Variants in AK4 observed in about 807,000 individuals in gnomAD.
The protein encoded by AK4 is adenylate kinase 4.
AK4 carries 13 observed loss-of-function variants against 24.6 expected under a neutral mutation model. The ratio of observed to expected loss-of-function variants is 0.53; its 90% CI spans 0.34 to 0.84. The LOEUF (loss-of-function observed/expected upper bound fraction) is 0.84. AK4 is among the 40% of genes least tolerant of loss of function. The probability of loss-of-function intolerance (pLI) is 0.01; values close to 1 mark genes in which losing one functional copy is unlikely to be tolerated. For missense variants in AK4, 192 were observed against 288.2 expected, an observed-to-expected ratio of 0.67 and a Z score of 2.42; for synonymous variants, 88 against 107.0, an observed-to-expected ratio of 0.82 and a Z score of 1.10.
At chr1:65,154,960 C>T (rs1025551180) in intron 1 of AK4, among the ~76,000 whole-genome samples, 1 of 151,740 alleles carries the variant, frequency 6.6e-6, no homozygotes, top group South Asian at 2.1e-4. Context: ...AAGCAATTCT[C>T]CTGACTCAGC....
At chr1:65,152,352 CTCTCTCTCTA>C (rs61626792) in intron 1 of AK4, among the ~76,000 whole-genome samples, 647 of 42,776 alleles carry the variant, frequency 0.015, no homozygotes, top group East Asian at 0.031. Context: ...CTCTCTCTCT[CTCTCTCTCTA>C]TATATATATA....
chr1:65,159,841 G>A (rs1235609175), intron 1 of AK4, among the ~76,000 whole-genome samples: 2 of 151,796 alleles, frequency 1.3e-5, no homozygotes, highest in Non-Finnish European at 2.9e-5. Context: ...GGTGGTGTGC[G>A]CCTGTAGTCC....
At chr1:65,172,063 GTATATATATATA>G (rs3051712) in intron 1 of AK4, among the ~76,000 whole-genome samples, 9,339 of 65,692 alleles carry the variant, frequency 0.14, 1,283 homozygotes, top group African/African-American at 0.27. Flanking sequence ...TCCATCTCAA[GTATATATATATA>G]TATATATATA....
At chr1:65,220,315 C>T (rs12747074) in intron 3 of AK4, among the ~76,000 whole-genome samples, 42,281 of 152,004 alleles carry the variant, frequency 0.28, 6,744 homozygotes, top group East Asian at 0.69. Flanking sequence ...AATTGTCTTC[C>T]AAACTGGTTA....
At chr1:65,190,192 A>G (rs1570108189) in intron 1 of AK4, among the ~76,000 whole-genome samples, 1 of 141,376 alleles carries the variant, frequency 7.1e-6, no homozygotes, top group Admixed American at 6.9e-5. Flanking sequence ...TTTATTTTCT[A>G]CTCTTATTTT....
chr1:65,148,674 C>A (rs942914569), intron 1 of AK4, 122 bp downstream of exon 1: 1 of 1,329,972 alleles, frequency 7.5e-7, no homozygotes, highest in African/African-American at 1.6e-5. Context: ...CGTGCAGGCT[C>A]GTACGTGCCG....
At chr1:65,194,809 C>T (rs1346474427) in intron 2 of AK4, among the ~76,000 whole-genome samples, 2 of 152,200 alleles carry the variant, frequency 1.3e-5, no homozygotes, top group Admixed American at 1.3e-4. Context: ...TACAGCTCCC[C>T]TCTTCTTCTG....
At position 65,224,767 on chromosome 1, in the gene AK4, A is replaced by C; in HGVS notation, c.454A>C (p.Thr152Pro). The C allele has an allele frequency of 6.2e-7, 1 of 1,612,828 alleles. No individual in the cohort carries two copies. Reference protein sequence around the residue: ...PPHVHGIDDVTGEPLVQQEDD... With the variant: ...PPHVHGIDDVPGEPLVQQEDD... ...GTATTTGTAGGGTATTGATGACGTC[A>C]CTGGTGAACCGTTAGTCCAGCAGGA... Residue 152 changes from threonine (T) to proline (P), a missense_variant, in exon 4 of 5, where the codon ACT (threonine) becomes CCT (proline). Thr to Pro is a conservative substitution (Grantham distance 38). Coordinates refer to ENST00000327299, the MANE Select transcript of AK4 (RefSeq NM_013410.4).
At position 65,150,284 on chromosome 1, in the gene AK4, TC is replaced by T. The variant is rs1224133211; in HGVS notation, c.145+1733del. 7.2e-3 allele frequency among the ~76,000 whole-genome samples: 841 copies of T among 116,944 alleles called. 13 individuals are homozygous for T. Among genetic ancestry groups the T allele is most frequent in the African/African-American group, 0.044 (786 of 17,856 alleles). 76.7% of individuals were successfully genotyped at this position (116,944 alleles called of 152,430 possible). A position where few individuals can be genotyped will look rare whatever the true frequency, so the allele number is the denominator to read the frequency against. On this transcript the variant is annotated intron_variant, in intron 1 of 4. Transcript: ENST00000327299. ...CTTGTTCTCTCTTTCTCTCTCTCTCTCTTTTTTTTTTTTAACTTTCCTGTGT... is the reference window on the plus strand; with the variant it reads ...CTTGTTCTCTCTTTCTCTCTCTCTCTTTTTTTTTTTTTAACTTTCCTGTGT...
At chr1:65,225,980 C>A in intron 4 of AK4, 83 bp from the exon 5 acceptor site, 1 of 1,432,778 alleles carries the variant, frequency 7.0e-7, no homozygotes. Context: ...TGAGATCATG[C>A]TTGTTTTATA....
At chr1:65,184,565 A>G (rs1386616815) in intron 1 of AK4, among the ~76,000 whole-genome samples, 4 of 152,224 alleles carry the variant, frequency 2.6e-5, no homozygotes, top group African/African-American at 9.6e-5. Context: ...CACACTCAGG[A>G]TTCAGAAGCT....
At chr1:65,199,506 G>C (rs954744372) in intron 2 of AK4, among the ~76,000 whole-genome samples, 1 of 152,006 alleles carries the variant, frequency 6.6e-6, no homozygotes, top group Non-Finnish European at 1.5e-5. Context: ...CCGAGATCGT[G>C]CTACTGTACT....
chr1:65,150,686 T>A (rs1649742369), intron 1 of AK4, among the ~76,000 whole-genome samples: 1 of 152,202 alleles, frequency 6.6e-6, no homozygotes, highest in Non-Finnish European at 1.5e-5. Context: ...ACAACCACCC[T>A]TCTGTATGTA....
chr1:65,203,262 T>C (rs1250872534), intron 2 of AK4, among the ~76,000 whole-genome samples: 1 of 152,152 alleles, frequency 6.6e-6, no homozygotes, highest in South Asian at 2.1e-4. Context: ...TTTGTGAGGA[T>C]TGACTAACAA....
intron 2 of AK4, among the ~76,000 whole-genome samples, chr1:65,206,435 A>G (rs1369507662): frequency 1.3e-5 from 2 of 152,208 alleles, no homozygotes; most frequent in African/African-American, 2.4e-5. Context: ...TAATTTGTGT[A>G]TGGGGACTTA....
chr1:65,152,316 ATCTC>A (rs1158775260), intron 1 of AK4, among the ~76,000 whole-genome samples: 555 of 32,408 alleles, frequency 0.017, 5 homozygotes, highest in Middle Eastern at 0.042. Flanking sequence ...TGCACTTGCT[ATCTC>A]TCTCTCTCTC....
intron 3 of AK4, 107 bp downstream of exon 3, chr1:65,219,033 C>A: frequency 1.3e-6 from 1 of 781,624 alleles, no homozygotes. Context: ...AAGAACAAAT[C>A]TACATGACCA....
At chr1:65,170,180 C>T (rs1055028198) in intron 1 of AK4, among the ~76,000 whole-genome samples, 3 of 152,060 alleles carry the variant, frequency 2.0e-5, no homozygotes, top group African/African-American at 7.2e-5. Context: ...ATTGAGACCA[C>T]GGTGAAACCC....
intron 3 of AK4, among the ~76,000 whole-genome samples, chr1:65,219,674 T>C (rs931400534): frequency 2.7e-4 from 41 of 152,068 alleles, no homozygotes; most frequent in Non-Finnish European, 5.3e-4. Flanking sequence ...CCCTAGCTTC[T>C]TCATTATTAG....
Sources: gnomAD v4.1 joint callset for allele counts (sites outside exome capture counted in the v4.1 genomes callset) on GRCh38, gnomAD v4.1.1 for gene constraint, MANE v1.5 for transcripts, NCBI Gene and HGNC (gene_info 2026-07-23, HGNC 2026-07-21) for gene names.